The following B4GALT6 variants were observed in gnomAD, a reference collection of about 807,000 sequenced individuals.
B4GALT6 encodes the protein beta-1,4-galactosyltransferase 6.
B4GALT6 carries 14 observed loss-of-function variants against 46.3 expected under a neutral mutation model. That is an observed-to-expected ratio of 0.30 (90% confidence interval 0.20 to 0.47). B4GALT6 has a LOEUF of 0.47. B4GALT6 is among the 20% of genes least tolerant of loss of function. The pLI is 0.99. For missense variants in B4GALT6, 386 were observed against 480.1 expected, an observed-to-expected ratio of 0.80 and a Z score of 1.83; for synonymous variants, 168 against 162.0, an observed-to-expected ratio of 1.04 and a Z score of -0.28.
chr18:31,672,402 T>C (rs971856513), intron 1 of B4GALT6, among the ~76,000 whole-genome samples: 2 of 152,332 alleles, frequency 1.3e-5, no homozygotes, highest in Middle Eastern at 3.4e-3. Context: ...ACTATCGTGA[T>C]AAATTCCCAG....
chr18:31,692,579 G>A, the B4GALT6 span, among the ~76,000 whole-genome samples: 1 of 152,124 alleles, frequency 6.6e-6, no homozygotes, highest in African/African-American at 2.4e-5. Context: ...ATAAAAGGAT[G>A]TGTTCTTATT....
At chr18:31,670,100 T>C (rs1305783198) in intron 1 of B4GALT6, among the ~76,000 whole-genome samples, 5 of 151,790 alleles carry the variant, frequency 3.3e-5, no homozygotes, top group Non-Finnish European at 7.4e-5. Flanking sequence ...GTCATCCAGG[T>C]TGGAGTGCGG....
intron 3 of B4GALT6, among the ~76,000 whole-genome samples, chr18:31,653,728 G>A (rs1270672516): frequency 1.3e-5 from 2 of 152,064 alleles, no homozygotes; most frequent in Admixed American, 6.6e-5. Context: ...AAACAGGCAT[G>A]AGCCACCACG....
intron 1 of B4GALT6, among the ~76,000 whole-genome samples, chr18:31,671,955 G>A (rs1419687025): frequency 6.6e-6 from 1 of 152,204 alleles, no homozygotes; most frequent in Non-Finnish European, 1.5e-5. Flanking sequence ...GTTTATGAAA[G>A]CTTTTGGGCC....
chr18:31,663,855 T>C (rs1211679117), intron 2 of B4GALT6, among the ~76,000 whole-genome samples: 2 of 152,210 alleles, frequency 1.3e-5, no homozygotes, highest in Admixed American at 1.3e-4. Context: ...TCTGGTTAAA[T>C]ATACTAACTA....
the B4GALT6 span, among the ~76,000 whole-genome samples, chr18:31,720,288 T>C: frequency 6.6e-6 from 1 of 152,218 alleles, no homozygotes; most frequent in East Asian, 1.9e-4. Context: ...ATACCGCTCC[T>C]AGTCCCTCAC....
At chr18:31,660,339 A>G (rs2074197792) in intron 2 of B4GALT6, among the ~76,000 whole-genome samples, 1 of 151,954 alleles carries the variant, frequency 6.6e-6, no homozygotes, top group Non-Finnish European at 1.5e-5. Flanking sequence ...TTCTCTCTCT[A>G]TGGGGACTCC....
intron 1 of B4GALT6, among the ~76,000 whole-genome samples, chr18:31,680,210 ACTATTAACAG>A (rs1440213901): frequency 6.6e-6 from 1 of 152,196 alleles, no homozygotes; most frequent in Non-Finnish European, 1.5e-5. Context: ...AACAAAGCAG[ACTATTAACAG>A]CTCCAAAGAA....
chr18:31,680,116 A>G lies in B4GALT6; in HGVS notation c.115+4196T>C, dbSNP rs544642078. 3.3e-5 allele frequency among the ~76,000 whole-genome samples: 5 copies of G among 152,322 alleles called. No individual in the cohort carries two copies. The East Asian group carries it at 9.6e-4, about 29-fold the overall frequency. On this transcript the variant is annotated intron_variant, in intron 1 of 8. Transcript: ENST00000306851. ...GAGATGCCCAATACCATGGCCCTCC[A>G]TGATATTCGGATACCAAATCCGAAC...
At chr18:31,649,206 T>C (rs1357904498) in intron 3 of B4GALT6, among the ~76,000 whole-genome samples, 1 of 152,234 alleles carries the variant, frequency 6.6e-6, no homozygotes, top group Non-Finnish European at 1.5e-5. Context: ...CTATTTCAAA[T>C]GCTTTACTTA....
At chr18:31,676,619 T>A in intron 1 of B4GALT6, among the ~76,000 whole-genome samples, 1 of 152,228 alleles carries the variant, frequency 6.6e-6, no homozygotes. Flanking sequence ...CAGCCATCTC[T>A]ATTGCCAGTA....
chr18:31,721,860 TTCTC>T, the B4GALT6 span, among the ~76,000 whole-genome samples: 49 of 151,374 alleles, frequency 3.2e-4, no homozygotes, highest in African/African-American at 1.0e-3. Context: ...TTCTCTTTCT[TTCTC>T]TCTCTCTCTC....
Position 31,644,679 on chromosome 18 carries a change from A to G in B4GALT6, c.471+676T>C, listed in dbSNP as rs546773158. Among the ~76,000 whole-genome samples, 4 of 152,318 alleles carry G rather than the reference A, an allele frequency of 2.6e-5. No individual in the cohort carries two copies. In the East Asian group the frequency reaches 7.7e-4, roughly 29 times the overall value. ...CAGCTTTGAGGGCAAGTCTGGTTTA[A>G]ATTATGGCTTTCAATTTTTTTAAAG... is the stretch of plus-strand genomic sequence containing the variant. On this transcript the variant is annotated intron_variant, in intron 4 of 8. Transcript: ENST00000306851.
At chr18:31,672,100 G>C (rs1303529392) in intron 1 of B4GALT6, among the ~76,000 whole-genome samples, 26 of 152,188 alleles carry the variant, frequency 1.7e-4, no homozygotes, top group Admixed American at 1.7e-3. Flanking sequence ...AGTGCTGTAA[G>C]GATTCAAGAT....
At chr18:31,649,316 CAG>C (rs35205099) in intron 3 of B4GALT6, among the ~76,000 whole-genome samples, 55,885 of 151,950 alleles carry the variant, frequency 0.37, 10,370 homozygotes, top group Middle Eastern at 0.48. Flanking sequence ...AAACATAAGA[CAG>C]AGCATTAGTC....
the B4GALT6 span, among the ~76,000 whole-genome samples, chr18:31,711,877 GA>G: frequency 6.6e-6 from 1 of 152,080 alleles, no homozygotes; most frequent in Non-Finnish European, 1.5e-5. Context: ...GAAAGAAATT[GA>G]ATTATTAAAA....
rs139556083 is a variant in B4GALT6 at position 31,672,377 on chromosome 18, A to C, written c.116-6005T>G. 2.0e-5 allele frequency among the ~76,000 whole-genome samples: 3 copies of C among 152,340 alleles called. No individual in the cohort carries two copies. The East Asian group carries it at 5.8e-4, about 29-fold the overall frequency. ...ATACCATTTGGGGAGACATTCAATA[A>C]ATGTAAAACCTGGAACTATCGTGAT... On this transcript the variant is annotated intron_variant, in intron 1 of 8. Coordinates refer to ENST00000306851, the MANE Select transcript of B4GALT6 (RefSeq NM_004775.5).
chr18:31,697,732 C>T, the B4GALT6 span, among the ~76,000 whole-genome samples: 23 of 152,088 alleles, frequency 1.5e-4, no homozygotes, highest in African/African-American at 4.6e-4. Flanking sequence ...GAGTTAGTCA[C>T]GCTAAGCCTC....
chr18:31,684,875 T>A (rs930065094), upstream of B4GALT6, among the ~76,000 whole-genome samples: 7 of 148,334 alleles, frequency 4.7e-5, no homozygotes, highest in Non-Finnish European at 9.0e-5. Flanking sequence ...CCCGGCGGGG[T>A]CCCGCCGCGA....
Sources: gnomAD v4.1 joint callset for allele counts (sites outside exome capture counted in the v4.1 genomes callset) on GRCh38, gnomAD v4.1.1 for gene constraint, MANE v1.5 for transcripts, NCBI Gene and HGNC (gene_info 2026-07-23, HGNC 2026-07-21) for gene names.